Variants in GABRR3 observed in about 807,000 individuals in gnomAD.
The protein encoded by GABRR3 is gamma-aminobutyric acid type A receptor subunit rho3.
Under a neutral mutation model 43.2 loss-of-function variants are expected in GABRR3, and 29 were observed. The observed-to-expected ratio is 0.67, with a 90% CI of 0.50 to 0.92. The LOEUF (loss-of-function observed/expected upper bound fraction) is 0.92. GABRR3 is among the 40% of genes least tolerant of loss of function. GABRR3 has a pLI of 0.00. For missense variants in GABRR3, 576 were observed against 572.3 expected (o/e 1.01, Z -0.07); for synonymous variants, 206 against 195.9 (o/e 1.05, Z -0.43).
At chr3:98,009,673 T>C (rs979032562) in intron 5 of GABRR3, among the ~76,000 whole-genome samples, 11 of 152,172 alleles carry the variant, frequency 7.2e-5, no homozygotes, top group Admixed American at 6.5e-4. Flanking sequence ...ACTATGATCT[T>C]GCCTCAAAGT....
At position 98,025,554 on chromosome 3, in the gene GABRR3, G is replaced by T. The variant is rs929663414; in HGVS notation, c.238+13C>A. On this transcript the variant is annotated intron_variant, in intron 3 of 9. Transcript: ENST00000621172. ...ATGGGTTTTGAAATGAATTTTGAGA[G>T]GATAATACTCACCTCCAAATCCAGG... The T allele has an allele frequency of 6.4e-7, 1 of 1,558,642 alleles. No homozygotes were observed. Among genetic ancestry groups the T allele is most frequent in the African/African-American group, 1.4e-5 (1 of 73,144 alleles).
At chr3:98,000,108 T>G (rs1034983963) in intron 8 of GABRR3, 10 of 152,090 alleles carry the variant, frequency 6.6e-5, no homozygotes, top group African/African-American at 2.4e-4. Flanking sequence ...AAAATAATTT[T>G]TTTAAAAAGT....
Position 98,021,228 on chromosome 3 carries a change from T to A in GABRR3, c.239-3506A>T, listed in dbSNP as rs149665428. On this transcript the variant is annotated intron_variant, in intron 3 of 9. Transcript: ENST00000621172. ...CCTTATTCATGGGTTTGAGGAACTG[T>A]ATTACGCTCTAGCATTCTTGAGGAT... Among the ~76,000 whole-genome samples the A allele has an allele frequency of 3.5e-4, 54 of 152,220 alleles. 1 individual carries two copies. The highest frequency in any genetic ancestry group is 1.0e-3 in the African/African-American group (42 of 41,526).
chr3:98,012,542 C>T, exon 5 of GABRR3: 1 of 1,613,612 alleles, frequency 6.2e-7, no homozygotes, highest in Non-Finnish European at 8.5e-7. Flanking sequence ...CCAGTAATGC[C>T]TGAGATAAAA....
chr3:98,005,070 TC>T (rs1706707802), intron 7 of GABRR3, among the ~76,000 whole-genome samples: 1 of 151,958 alleles, frequency 6.6e-6, no homozygotes, highest in African/African-American at 2.4e-5. Context: ...GAATACAACT[TC>T]CAAAATGCCT....
intron 3 of GABRR3, among the ~76,000 whole-genome samples, chr3:98,025,363 A>G (rs537050772): frequency 2.9e-3 from 444 of 152,368 alleles, no homozygotes; most frequent in African/African-American, 0.01. Flanking sequence ...TACAGTGTGC[A>G]TAGTAGGAAA....
intron 6 of GABRR3, among the ~76,000 whole-genome samples, chr3:98,008,112 T>A (rs866623412): frequency 6.0e-4 from 91 of 152,232 alleles, no homozygotes; most frequent in African/African-American, 2.1e-3. Flanking sequence ...TAGACCCTGA[T>A]GACTAGTATA....
intron 8 of GABRR3, chr3:97,999,217 G>C (rs1259439785): frequency 1.3e-5 from 2 of 152,062 alleles, no homozygotes; most frequent in African/African-American, 2.4e-5. Flanking sequence ...GTGATGTAAG[G>C]GTTTGTCACG....
chr3:98,025,648 T>C (rs1707004807), exon 3 of GABRR3: 3 of 1,612,480 alleles, frequency 1.9e-6, no homozygotes, highest in Non-Finnish European at 2.5e-6. Flanking sequence ...GCTTTGGTAC[T>C]GTCATCTTTC....
At chr3:97,991,907 G>A (rs2107225795) in intron 9 of GABRR3, among the ~76,000 whole-genome samples, 1 of 152,222 alleles carries the variant, frequency 6.6e-6, no homozygotes, top group South Asian at 2.1e-4. Context: ...TATGTGTATA[G>A]ATATTCTCTA....
chr3:98,029,787 A>C, intron 2 of GABRR3, among the ~76,000 whole-genome samples: 1 of 152,132 alleles, frequency 6.6e-6, no homozygotes, highest in Admixed American at 6.6e-5. Flanking sequence ...AAATTAGCAA[A>C]AGACAAAAAA....
intron 8 of GABRR3, among the ~76,000 whole-genome samples, chr3:97,994,452 T>C (rs963546634): frequency 1.1e-4 from 16 of 152,240 alleles, no homozygotes; most frequent in Non-Finnish European, 1.8e-4. Flanking sequence ...TTCCAGCTCT[T>C]AACATTGAAC....
intron 3 of GABRR3, among the ~76,000 whole-genome samples, 157 bp downstream of exon 3, chr3:98,025,410 T>C (rs573846126): frequency 6.6e-6 from 1 of 152,346 alleles, no homozygotes; most frequent in South Asian, 2.1e-4. Context: ...GGATAACTCA[T>C]CAATTGTTCT....
chr3:98,000,647 A>G (rs1488430781), intron 8 of GABRR3: 1 of 152,152 alleles, frequency 6.6e-6, no homozygotes, highest in Non-Finnish European at 1.5e-5. Flanking sequence ...TATGCATATA[A>G]TTTGTGAACA....
intron 9 of GABRR3, among the ~76,000 whole-genome samples, chr3:97,988,572 G>A (rs538611448): frequency 5.3e-4 from 81 of 152,002 alleles, no homozygotes; most frequent in Non-Finnish European, 1.0e-3. Flanking sequence ...GGATGGTGGT[G>A]GTAGGTGATG....
At chr3:98,025,702 A>G (rs779408849) in intron 2 of GABRR3, 23 bp from the exon 3 acceptor site, 7 of 1,520,692 alleles carry the variant, frequency 4.6e-6, no homozygotes, top group Middle Eastern at 3.5e-4. Context: ...AGGGAAAAAA[A>G]AAACTTCTGA....
chr3:97,998,929 T>A (rs1235162805), intron 8 of GABRR3: 1 of 152,172 alleles, frequency 6.6e-6, no homozygotes, highest in African/African-American at 2.4e-5. Flanking sequence ...ATATGGCTAA[T>A]AATGATAGAC....
intron 7 of GABRR3, among the ~76,000 whole-genome samples, chr3:98,003,160 C>G (rs1315891708): frequency 6.6e-6 from 1 of 152,014 alleles, no homozygotes; most frequent in Non-Finnish European, 1.5e-5. Context: ...TGTCTTGTAT[C>G]ACCTACATCA....
intron 5 of GABRR3, among the ~76,000 whole-genome samples, chr3:98,012,078 G>T (rs963141831): frequency 6.6e-6 from 1 of 152,158 alleles, no homozygotes; most frequent in African/African-American, 2.4e-5. Flanking sequence ...AATATTGTGT[G>T]CCAGATTTTA....
Sources: gnomAD v4.1 joint callset for allele counts (sites outside exome capture counted in the v4.1 genomes callset) on GRCh38, gnomAD v4.1.1 for gene constraint, MANE v1.5 for transcripts, NCBI Gene and HGNC (gene_info 2026-07-23, HGNC 2026-07-21) for gene names.